NECTIN3: variants seen among roughly 807,000 people sequenced by gnomAD.
NECTIN3 encodes nectin cell adhesion molecule 3.
Under a neutral mutation model 49.4 loss-of-function variants are expected in NECTIN3, and 8 were observed. The ratio of observed to expected loss-of-function variants is 0.16; its 90% CI spans 0.10 to 0.29. The LOEUF is 0.29. NECTIN3 is among the 10% of genes least tolerant of loss of function. NECTIN3 has a pLI of 1.00. For synonymous variants in NECTIN3, 277 were observed against 241.1 expected, an observed-to-expected ratio of 1.15 and a Z score of -1.38; for missense variants, 581 against 654.6, an observed-to-expected ratio of 0.89 and a Z score of 1.23.
intron 3 of NECTIN3, among the ~76,000 whole-genome samples, chr3:111,121,597 A>G (rs1337416392): frequency 6.6e-6 from 1 of 152,118 alleles, no homozygotes; most frequent in South Asian, 2.1e-4. Context: ...TCACATCTCT[A>G]CATGCCCCCA....
intron 2 of NECTIN3, among the ~76,000 whole-genome samples, chr3:111,113,468 C>G (rs2033557372): frequency 6.6e-6 from 1 of 152,124 alleles, no homozygotes; most frequent in Non-Finnish European, 1.5e-5. Context: ...ATAGTAATGT[C>G]TCTGAAGTAT....
At chr3:111,179,719 C>T (rs1202842264) in intron 7 of NECTIN3, among the ~76,000 whole-genome samples, 5 of 151,912 alleles carry the variant, frequency 3.3e-5, no homozygotes, top group African/African-American at 1.2e-4. Flanking sequence ...ACGGTGAAAC[C>T]CCGTCTCTAC....
intron 7 of NECTIN3, among the ~76,000 whole-genome samples, chr3:111,185,777 A>C (rs1301666647): frequency 6.6e-6 from 1 of 152,208 alleles, no homozygotes; most frequent in African/African-American, 2.4e-5. Context: ...AATAATTTCA[A>C]CAAGAATCCT....
intron 4 of NECTIN3, among the ~76,000 whole-genome samples, chr3:111,123,779 C>T (rs899894717): frequency 1.4e-4 from 22 of 152,134 alleles, no homozygotes; most frequent in African/African-American, 4.1e-4. Context: ...ACCCTTCACC[C>T]TGAAGTACAA....
intron 1 of NECTIN3, among the ~76,000 whole-genome samples, chr3:111,093,901 C>G (rs1018474587): frequency 6.6e-6 from 1 of 152,126 alleles, no homozygotes; most frequent in Non-Finnish European, 1.5e-5. Flanking sequence ...CTCTATTAGT[C>G]TGCTTTTAGT....
chr3:111,090,828 G>GC (rs145662756), intron 1 of NECTIN3, among the ~76,000 whole-genome samples: 149,251 of 149,258 alleles, frequency 1, 74,622 homozygotes, highest in Middle Eastern at 1. Context: ...ATAGGTTGGT[G>GC]AAAAGTGATT....
chr3:111,193,480 A>G lies in NECTIN3; in HGVS notation c.63+1067A>G, dbSNP rs2035853208. Reference sequence around the variant, plus strand: ...ATTTTACTGTCTCTCATATAAGAACAGTCCCACTCTAAGGGTATTGGAAGT... The same window carrying G: ...ATTTTACTGTCTCTCATATAAGAACGGTCCCACTCTAAGGGTATTGGAAGT... On this transcript the variant is annotated intron_variant, in intron 1 of 1. Transcript: ENST00000485506. 7 of 1,276,770 alleles carry G rather than the reference A, an allele frequency of 5.5e-6. No homozygotes were observed. In the South Asian group the frequency reaches 1.1e-4, roughly 19 times the overall value. 79.1% of individuals were successfully genotyped at this position (1,276,770 alleles called of 1,614,324 possible).
chr3:111,157,796 CT>C (rs1213139102), intron 7 of NECTIN3, among the ~76,000 whole-genome samples: 1 of 151,720 alleles, frequency 6.6e-6, no homozygotes, highest in Non-Finnish European at 1.5e-5. Context: ...TTTTTTTCCC[CT>C]GGGAAAATAA....
At chr3:111,113,590 G>A (rs1237744347) in intron 2 of NECTIN3, among the ~76,000 whole-genome samples, 1 of 152,072 alleles carries the variant, frequency 6.6e-6, no homozygotes, top group Non-Finnish European at 1.5e-5. Context: ...AGAGCTATGG[G>A]GAAATATAAC....
intron 7 of NECTIN3, among the ~76,000 whole-genome samples, chr3:111,171,973 T>G (rs920648455): frequency 6.6e-6 from 1 of 152,236 alleles, no homozygotes; most frequent in East Asian, 1.9e-4. Flanking sequence ...TCTTCTTGTT[T>G]TGAACGATAT....
chr3:111,191,001 C>G (rs1211429550), upstream of NECTIN3, among the ~76,000 whole-genome samples: 1 of 152,134 alleles, frequency 6.6e-6, no homozygotes, highest in Non-Finnish European at 1.5e-5. Context: ...AATTTCTACT[C>G]CCAGAGATTT....
rs577753434 is a variant in NECTIN3, at chr3:111,126,386, A to G, written c.1069+51A>G. On this transcript the variant is annotated intron_variant, in intron 5 of 5. Transcript: ENST00000485303. ...GAGTTATTTAAAATATTTCTGAATA[A>G]TCATAGTAACAATATGATCCTAAGC... 10 of 1,454,012 alleles carry G rather than the reference A, an allele frequency of 6.9e-6. 1 individual carries two copies. The South Asian group carries it at 8.6e-5, about 13-fold the overall frequency. 90.1% of individuals were successfully genotyped at this position (1,454,012 alleles called of 1,614,324 possible). A position where few individuals can be genotyped will look rare whatever the true frequency, so the allele number is the denominator to read the frequency against.
intron 3 of NECTIN3, 85 bp from the exon 4 acceptor site, chr3:111,122,036 T>C: frequency 1.1e-6 from 1 of 930,636 alleles, no homozygotes; most frequent in Non-Finnish European, 1.7e-6. Flanking sequence ...TCTAAGGCTT[T>C]GTCTATTATC....
At chr3:111,138,875 G>A (rs1290988775), downstream of NECTIN3, among the ~76,000 whole-genome samples, 1 of 151,558 alleles carries the variant, frequency 6.6e-6, no homozygotes, top group Non-Finnish European at 1.5e-5. Context: ...TCAATTAAGA[G>A]AAATATCCCA....
At chr3:111,174,756 A>T (rs1274275468) in intron 7 of NECTIN3, among the ~76,000 whole-genome samples, 1 of 151,786 alleles carries the variant, frequency 6.6e-6, no homozygotes, top group Non-Finnish European at 1.5e-5. Flanking sequence ...GCATGCAGAC[A>T]GACAGGTGCA....
intron 1 of NECTIN3, among the ~76,000 whole-genome samples, chr3:111,098,598 A>G (rs905500649): frequency 6.6e-6 from 1 of 152,180 alleles, no homozygotes; most frequent in Non-Finnish European, 1.5e-5. Flanking sequence ...CTACCTGGAT[A>G]ATCCAGTGTC....
At chr3:111,132,593 A>T (rs1346232761) in intron 5 of NECTIN3, among the ~76,000 whole-genome samples, 1 of 151,954 alleles carries the variant, frequency 6.6e-6, no homozygotes, top group Non-Finnish European at 1.5e-5. Context: ...TATAAATACT[A>T]CTTAATTGAT....
At chr3:111,102,918 A>G (rs1284407672) in intron 1 of NECTIN3, among the ~76,000 whole-genome samples, 2 of 152,140 alleles carry the variant, frequency 1.3e-5, no homozygotes, top group Non-Finnish European at 2.9e-5. Context: ...TCTTTATTAC[A>G]TTGCCTTTGC....
At chr3:111,099,938 TTAGGTGATAATAGTCTTGTTTTA>T (rs2107417321) in intron 1 of NECTIN3, among the ~76,000 whole-genome samples, 1 of 152,290 alleles carries the variant, frequency 6.6e-6, no homozygotes, top group South Asian at 2.1e-4. Flanking sequence ...ACCTTGTTAA[TTAGGTGATAATAGTCTTGTTTTA>T]TAGGTGATAA....
Sources: gnomAD v4.1 joint callset for allele counts (sites outside exome capture counted in the v4.1 genomes callset) on GRCh38, gnomAD v4.1.1 for gene constraint, MANE v1.5 for transcripts, NCBI Gene and HGNC (gene_info 2026-07-23, HGNC 2026-07-21) for gene names.